EBF1: variants seen among roughly 807,000 people sequenced by gnomAD.
EBF1 encodes the protein transcription factor COE1.
In EBF1, 10 loss-of-function variants were observed where a neutral mutation model predicts 68.4. The observed-to-expected ratio is 0.15, with a 90% confidence interval of 0.09 to 0.25. EBF1 has a LOEUF of 0.25. Ranked by LOEUF, EBF1 falls within the 10% of genes least tolerant of loss-of-function variation. The pLI is 1.00. For synonymous variants in EBF1, 298 were observed against 299.8 expected, an observed-to-expected ratio of 0.99 and a Z score of 0.06; for missense variants, 509 against 794.4, an observed-to-expected ratio of 0.64 and a Z score of 4.32.
At chr5:158,901,308 T>C (rs1583015069) in intron 6 of EBF1, among the ~76,000 whole-genome samples, 1 of 152,274 alleles carries the variant, frequency 6.6e-6, no homozygotes, top group Non-Finnish European at 1.5e-5. Flanking sequence ...TAAAGCTTGC[T>C]GTCTGAAAAA....
chr5:158,778,767 A>T (rs563820512), intron 9 of EBF1, among the ~76,000 whole-genome samples: 1 of 152,326 alleles, frequency 6.6e-6, no homozygotes, highest in African/African-American at 2.4e-5. Context: ...GAAACAAGAA[A>T]AAGTCATATC....
At chr5:158,809,664 C>A (rs1290361020) in intron 8 of EBF1, among the ~76,000 whole-genome samples, 1 of 152,106 alleles carries the variant, frequency 6.6e-6, no homozygotes, top group Non-Finnish European at 1.5e-5. Flanking sequence ...AGCACAGGTG[C>A]CAATTTAAAT....
intron 6 of EBF1, among the ~76,000 whole-genome samples, chr5:158,925,315 C>A (rs1461100097): frequency 6.6e-6 from 1 of 152,178 alleles, no homozygotes; most frequent in East Asian, 1.9e-4. Flanking sequence ...AGAATAGGGG[C>A]CTTGTCTGCC....
intron 7 of EBF1, 151 bp from the exon 8 acceptor site, chr5:158,823,468 A>G (rs2127860925): frequency 1.3e-6 from 1 of 766,312 alleles, no homozygotes; most frequent in Non-Finnish European, 2.0e-6. Flanking sequence ...AAGTCTAACA[A>G]GAGGAGCTAT....
At chr5:158,767,423 TA>T (rs1429017737) in intron 10 of EBF1, among the ~76,000 whole-genome samples, 2 of 152,160 alleles carry the variant, frequency 1.3e-5, no homozygotes, top group East Asian at 3.9e-4. Flanking sequence ...GGGAATCAGG[TA>T]ATTCCATAAA....
chr5:158,716,744 G>A (rs547030350), intron 11 of EBF1, among the ~76,000 whole-genome samples: 7 of 152,230 alleles, frequency 4.6e-5, no homozygotes, highest in Non-Finnish European at 7.4e-5. Flanking sequence ...ATGTCATTAC[G>A]CTCCCAGTGA....
chr5:158,983,357 G>C (rs905294776), intron 6 of EBF1: 3 of 152,116 alleles, frequency 2.0e-5, no homozygotes, highest in Non-Finnish European at 2.9e-5. Context: ...TGACTGACTT[G>C]ATATTTCCCA....
intron 6 of EBF1, among the ~76,000 whole-genome samples, chr5:158,911,087 T>C (rs898400162): frequency 1.3e-5 from 2 of 152,118 alleles, no homozygotes; most frequent in Admixed American, 6.5e-5. Flanking sequence ...TTTCTATCTC[T>C]TCAGTCATGG....
chr5:158,727,176 A>G (rs1763167295), intron 11 of EBF1, among the ~76,000 whole-genome samples: 1 of 152,232 alleles, frequency 6.6e-6, no homozygotes, highest in Non-Finnish European at 1.5e-5. Context: ...TTAATAATGC[A>G]GTGCTGGGCT....
intron 5 of EBF1, among the ~76,000 whole-genome samples, chr5:159,080,416 T>G (rs1779546391): frequency 6.6e-6 from 1 of 152,194 alleles, no homozygotes; most frequent in South Asian, 2.1e-4. Flanking sequence ...GAACAAAGTC[T>G]TCCCTGGCTC....
chr5:158,869,647 A>C (rs1276582210), intron 6 of EBF1, among the ~76,000 whole-genome samples: 1 of 149,304 alleles, frequency 6.7e-6, no homozygotes, highest in East Asian at 2.0e-4. Context: ...TTTTGTTTTG[A>C]TCTTTTGGGA....
chr5:158,841,576 A>T (rs1790339263), intron 6 of EBF1, among the ~76,000 whole-genome samples: 1 of 152,188 alleles, frequency 6.6e-6, no homozygotes, highest in Admixed American at 6.5e-5. Flanking sequence ...TCCCCATCTC[A>T]ACACAAATAG....
intron 1 of EBF1, chr5:159,097,453 A>T (rs538404307): frequency 5.9e-6 from 2 of 339,590 alleles, no homozygotes; most frequent in South Asian, 6.4e-5. Flanking sequence ...CGTGGGGAGG[A>T]AGAAAAGTGG....
intron 6 of EBF1, among the ~76,000 whole-genome samples, chr5:158,910,766 T>C (rs1051513179): frequency 5.3e-5 from 8 of 152,192 alleles, no homozygotes; most frequent in African/African-American, 1.4e-4. Flanking sequence ...TACACAATAA[T>C]TGGTGCAGGA....
At chr5:158,975,239 C>G (rs551150576) in intron 6 of EBF1, among the ~76,000 whole-genome samples, 1 of 152,298 alleles carries the variant, frequency 6.6e-6, no homozygotes, top group East Asian at 1.9e-4. Context: ...TCCTACACCT[C>G]CTGTATCTCT....
At chr5:158,911,461 T>G (rs1020489355) in intron 6 of EBF1, among the ~76,000 whole-genome samples, 2 of 140,488 alleles carry the variant, frequency 1.4e-5, no homozygotes, top group Non-Finnish European at 3.2e-5. Flanking sequence ...GATAGAGGGG[T>G]TTTTTTTTAG....
At chr5:158,901,337 TA>T (rs1380869207) in intron 6 of EBF1, among the ~76,000 whole-genome samples, 1 of 152,260 alleles carries the variant, frequency 6.6e-6, no homozygotes, top group East Asian at 1.9e-4. Context: ...ATTATTTATT[TA>T]ATTTTCCTAT....
intron 6 of EBF1, among the ~76,000 whole-genome samples, chr5:158,850,725 G>A (rs1792474076): frequency 6.6e-6 from 1 of 152,180 alleles, no homozygotes; most frequent in African/African-American, 2.4e-5. Flanking sequence ...ACTTAAGTAG[G>A]GCCAGGTGTG....
chr5:158,781,141 A>T (rs952532045), intron 9 of EBF1, among the ~76,000 whole-genome samples: 7 of 152,192 alleles, frequency 4.6e-5, no homozygotes, highest in Non-Finnish European at 8.8e-5. Context: ...CTAATTTTTT[A>T]AAATCATGTT....
Sources: gnomAD v4.1 joint callset for allele counts (sites outside exome capture counted in the v4.1 genomes callset) on GRCh38, gnomAD v4.1.1 for gene constraint, MANE v1.5 for transcripts, NCBI Gene and HGNC (gene_info 2026-07-23, HGNC 2026-07-21) for gene names.